Variants in HCN1 observed in about 807,000 individuals in gnomAD.
The protein encoded by HCN1 is hyperpolarization activated cyclic nucleotide gated potassium channel 1.
In HCN1, 13 loss-of-function variants were observed where a neutral mutation model predicts 78.9. The observed-to-expected ratio is 0.16, with a 90% confidence interval of 0.11 to 0.26. HCN1 has a LOEUF of 0.26. Among genes scored for constraint, HCN1 ranks in the 10% least tolerant of loss-of-function variants. HCN1 has a pLI of 1.00. For missense variants in HCN1, 810 were observed against 1,154.3 expected, an observed-to-expected ratio of 0.70 and a Z score of 4.32; for synonymous variants, 552 against 455.5, an observed-to-expected ratio of 1.21 and a Z score of -2.70.
rs1744684686 is a variant in HCN1 at position 45,259,349 on chromosome 5, C to A, written c.*2572G>T. 1 of 152,320 alleles carries A rather than the reference C, an allele frequency of 6.6e-6. No individual in the cohort carries two copies. Among genetic ancestry groups the A allele is most frequent in the Admixed American group, 6.6e-5 (1 of 15,242 alleles). 9.4% of individuals were successfully genotyped at this position (152,320 alleles called of 1,614,324 possible). A position where few individuals can be genotyped will look rare whatever the true frequency, so the allele number is the denominator to read the frequency against. ...AGAAATACTCTAACTCATCCCTGAT[C>A]ATACAGTTGTTGTAAGAATCAGCTA... On this transcript the variant is annotated 3_prime_UTR_variant, in exon 8 of 8. Coordinates refer to ENST00000303230, the MANE Select transcript of HCN1 (RefSeq NM_021072.4).
intron 5 of HCN1, among the ~76,000 whole-genome samples, chr5:45,334,770 T>C (rs550876845): frequency 6.6e-6 from 1 of 151,968 alleles, no homozygotes; most frequent in Non-Finnish European, 1.5e-5. Context: ...ATCCTTTACA[T>C]AATTTTGCTA....
At chr5:45,669,416 T>C (rs773731814) in intron 1 of HCN1, among the ~76,000 whole-genome samples, 12 of 151,768 alleles carry the variant, frequency 7.9e-5, no homozygotes, top group Non-Finnish European at 1.8e-4. Flanking sequence ...ATTTTGGAGA[T>C]AATGACTTTA....
intron 6 of HCN1, among the ~76,000 whole-genome samples, chr5:45,292,890 T>C (rs1435031699): frequency 6.6e-6 from 1 of 152,036 alleles, no homozygotes; most frequent in Non-Finnish European, 1.5e-5. Context: ...TTTTACATGT[T>C]TAAATTTGAA....
intron 5 of HCN1, among the ~76,000 whole-genome samples, chr5:45,309,808 G>A (rs1745814869): frequency 6.6e-6 from 1 of 152,118 alleles, no homozygotes; most frequent in Admixed American, 6.6e-5. Context: ...GTTCATCAAG[G>A]ATATTGGGCT....
intron 1 of HCN1, among the ~76,000 whole-genome samples, chr5:45,662,988 C>T (rs1358267614): frequency 4.5e-4 from 50 of 111,762 alleles, no homozygotes; most frequent in African/African-American, 1.6e-3. Context: ...AAAAAGAGCC[C>T]GCATCGCCAA....
At chr5:45,472,957 G>A (rs1741423383) in intron 2 of HCN1, among the ~76,000 whole-genome samples, 1 of 151,702 alleles carries the variant, frequency 6.6e-6, no homozygotes, top group Middle Eastern at 3.2e-3. Context: ...TCTTTTTTGT[G>A]TGTCTAGCTT....
intron 4 of HCN1, among the ~76,000 whole-genome samples, chr5:45,366,039 G>A (rs987119964): frequency 6.6e-6 from 1 of 151,788 alleles, no homozygotes; most frequent in African/African-American, 2.4e-5. Flanking sequence ...TCACACCAGG[G>A]CTAAATCTAC....
At chr5:45,351,216 A>G (rs1017114697) in intron 5 of HCN1, among the ~76,000 whole-genome samples, 4 of 151,970 alleles carry the variant, frequency 2.6e-5, no homozygotes, top group Non-Finnish European at 5.9e-5. Context: ...TTCAGAAATA[A>G]TGCCGCATAT....
chr5:45,370,523 C>A (rs1561126864), intron 4 of HCN1, among the ~76,000 whole-genome samples: 1 of 152,002 alleles, frequency 6.6e-6, no homozygotes, highest in Admixed American at 6.6e-5. Flanking sequence ...GAGAACCTTC[C>A]TCATTGCTAC....
At chr5:45,518,285 T>C (rs867556171) in intron 2 of HCN1, among the ~76,000 whole-genome samples, 4 of 152,022 alleles carry the variant, frequency 2.6e-5, no homozygotes, top group Non-Finnish European at 4.4e-5. Context: ...ACTTTGTTTT[T>C]GGGCATTCCA....
At chr5:45,464,803 C>G (rs1741234666) in intron 2 of HCN1, among the ~76,000 whole-genome samples, 1 of 140,470 alleles carries the variant, frequency 7.1e-6, no homozygotes, top group Non-Finnish European at 1.6e-5. Context: ...ATTAATAGCC[C>G]TGTTAAAACT....
chr5:45,637,721 A>C (rs1745380628), intron 2 of HCN1, among the ~76,000 whole-genome samples: 1 of 152,132 alleles, frequency 6.6e-6, no homozygotes, highest in South Asian at 2.1e-4. Flanking sequence ...ATTTTCATGA[A>C]CATGAAACAT....
intron 5 of HCN1, among the ~76,000 whole-genome samples, chr5:45,309,074 C>A (rs971938691): frequency 6.6e-6 from 1 of 151,996 alleles, no homozygotes; most frequent in Non-Finnish European, 1.5e-5. Context: ...TTTTAGAGAT[C>A]CTTCACTTTT....
intron 3 of HCN1, among the ~76,000 whole-genome samples, chr5:45,434,674 T>G (rs1740527424): frequency 6.6e-6 from 1 of 152,106 alleles, no homozygotes; most frequent in Admixed American, 6.6e-5. Flanking sequence ...TTTGTCAAAT[T>G]TTGGCACATA....
chr5:45,593,370 A>ACC (rs546304789), intron 2 of HCN1, among the ~76,000 whole-genome samples: 178 of 135,196 alleles, frequency 1.3e-3, no homozygotes, highest in Middle Eastern at 3.6e-3. Flanking sequence ...ACACACACAC[A>ACC]CCCCACATGT....
At chr5:45,672,774 T>C (rs1741930824) in intron 1 of HCN1, among the ~76,000 whole-genome samples, 2 of 151,592 alleles carry the variant, frequency 1.3e-5, no homozygotes. Context: ...TGTTAATTAA[T>C]TCTGCCCTGA....
At chr5:45,659,379 C>T (rs1294873128) in intron 1 of HCN1, among the ~76,000 whole-genome samples, 3 of 110,674 alleles carry the variant, frequency 2.7e-5, no homozygotes, top group Non-Finnish European at 5.4e-5. Context: ...AAACTGGAAA[C>T]TCTAAAACGC....
At chr5:45,346,306 A>G (rs1429100665) in intron 5 of HCN1, among the ~76,000 whole-genome samples, 2 of 152,224 alleles carry the variant, frequency 1.3e-5, no homozygotes, top group Non-Finnish European at 1.5e-5. Flanking sequence ...TTGAGTACAT[A>G]GAAACCTTTT....
chr5:45,584,597 C>A (rs932150022), intron 2 of HCN1, among the ~76,000 whole-genome samples: 1 of 152,052 alleles, frequency 6.6e-6, no homozygotes, highest in Non-Finnish European at 1.5e-5. Flanking sequence ...TATTTTGCTC[C>A]TTAGTTGATG....
Sources: allele counts gnomAD v4.1 joint callset (sites outside exome capture counted in the v4.1 genomes callset), GRCh38; gene constraint gnomAD v4.1.1; transcripts MANE v1.5; gene names NCBI Gene and HGNC (gene_info 2026-07-23, HGNC 2026-07-21).